Variants in HECW1 observed in about 807,000 individuals in gnomAD.
HECW1 encodes the protein HECT, C2 and WW domain containing E3 ubiquitin protein ligase 1.
In HECW1, 61 loss-of-function variants were observed where a neutral mutation model predicts 182.3. The ratio of observed to expected loss-of-function variants is 0.33; its 90% CI spans 0.27 to 0.41. The LOEUF is 0.41. Among genes scored for constraint, HECW1 ranks in the 10% least tolerant of loss-of-function variants. HECW1 has a pLI of 1.00. For missense variants in HECW1, 1,739 were observed against 2,108.9 expected, an observed-to-expected ratio of 0.82 and a Z score of 3.44; for synonymous variants, 859 against 832.6, an observed-to-expected ratio of 1.03 and a Z score of -0.55.
intron 2 of HECW1, among the ~76,000 whole-genome samples, chr7:43,168,045 C>T (rs932500519): frequency 6.6e-6 from 1 of 152,160 alleles, no homozygotes; most frequent in Non-Finnish European, 1.5e-5. Context: ...CCCCATAGCC[C>T]GTGGTGTACG....
chr7:43,153,357 T>C (rs1789548313), intron 2 of HECW1, among the ~76,000 whole-genome samples: 1 of 152,230 alleles, frequency 6.6e-6, no homozygotes, highest in South Asian at 2.1e-4. Flanking sequence ...TGTCGATGTA[T>C]ATCCGTGAAC....
At chr7:43,514,150 G>A (rs1225643725) in intron 24 of HECW1, among the ~76,000 whole-genome samples, 3 of 152,120 alleles carry the variant, frequency 2.0e-5, no homozygotes, top group African/African-American at 7.2e-5. Flanking sequence ...GGAGAGCAGG[G>A]AATGGAAAAT....
intron 2 of HECW1, among the ~76,000 whole-genome samples, chr7:43,198,207 C>A (rs1228998078): frequency 2.0e-5 from 3 of 149,952 alleles, no homozygotes; most frequent in African/African-American, 7.4e-5. Flanking sequence ...TTCACACGCT[C>A]ACCCTATACA....
intron 2 of HECW1, among the ~76,000 whole-genome samples, chr7:43,169,443 A>T (rs768891207): frequency 5.3e-5 from 8 of 152,136 alleles, no homozygotes; most frequent in Non-Finnish European, 1.2e-4. Context: ...ATGTCTCCAG[A>T]CATTGACGGA....
intron 8 of HECW1, among the ~76,000 whole-genome samples, chr7:43,427,288 G>A (rs1584872167): frequency 6.6e-6 from 1 of 152,128 alleles, no homozygotes; most frequent in Non-Finnish European, 1.5e-5. Context: ...GTCAAATATG[G>A]AAGCACTGCA....
In HECW1 at chr7:43,405,736, C is replaced by T. The variant is rs377044949; in HGVS notation, c.632-1826C>T. On this transcript the variant is annotated intron_variant, in intron 7 of 29. Coordinates refer to ENST00000395891, the MANE Select transcript of HECW1 (RefSeq NM_015052.5). ...TTAGGCACAGTGAGCCACTCGTACCCGTTCTGGGAAGGTAGGAGCCCTCCT... is the reference window on the plus strand; with the variant it reads ...TTAGGCACAGTGAGCCACTCGTACCTGTTCTGGGAAGGTAGGAGCCCTCCT... Among the ~76,000 whole-genome samples the T allele has an allele frequency of 1.2e-4, 18 of 152,296 alleles. No individual in the cohort carries two copies. The South Asian group carries it at 2.9e-3, about 25-fold the overall frequency.
chr7:43,269,098 A>C (rs1562761734), intron 3 of HECW1, among the ~76,000 whole-genome samples: 1 of 152,146 alleles, frequency 6.6e-6, no homozygotes, highest in Non-Finnish European at 1.5e-5. Flanking sequence ...CCACTGAAAT[A>C]TTTAATAAAG....
At chr7:43,166,420 A>G (rs574803989) in intron 2 of HECW1, among the ~76,000 whole-genome samples, 4 of 152,220 alleles carry the variant, frequency 2.6e-5, no homozygotes, top group African/African-American at 9.6e-5. Flanking sequence ...GGTGAGTGAT[A>G]AGCTAGATGC....
chr7:43,462,300 A>G (rs905973578), intron 13 of HECW1, among the ~76,000 whole-genome samples: 2 of 151,746 alleles, frequency 1.3e-5, no homozygotes, highest in African/African-American at 4.8e-5. Flanking sequence ...GCTGCTCTCC[A>G]CAGCTCCCAG....
intron 16 of HECW1, among the ~76,000 whole-genome samples, chr7:43,476,449 T>C (rs2078222497): frequency 6.6e-6 from 1 of 152,182 alleles, no homozygotes; most frequent in Non-Finnish European, 1.5e-5. Context: ...TCATTTGCAG[T>C]CTCAAAGTGA....
chr7:43,220,075 G>A (rs1796816416), intron 2 of HECW1, among the ~76,000 whole-genome samples: 1 of 152,164 alleles, frequency 6.6e-6, no homozygotes, highest in Non-Finnish European at 1.5e-5. Context: ...ATGGGCCCCA[G>A]GCCACCTACA....
intron 9 of HECW1, 76 bp from the exon 10 acceptor site, chr7:43,442,453 G>A (rs1284732911): frequency 9.7e-6 from 10 of 1,030,644 alleles, no homozygotes; most frequent in African/African-American, 1.6e-5. Flanking sequence ...TCACCCACTG[G>A]TATAGAAAGC....
intron 3 of HECW1, among the ~76,000 whole-genome samples, chr7:43,259,672 G>A (rs1049059967): frequency 2.0e-5 from 3 of 152,146 alleles, no homozygotes; most frequent in South Asian, 4.1e-4. Context: ...ATAAACATCT[G>A]ATGTAAATAA....
At chr7:43,451,024 C>A in intron 12 of HECW1, 95 bp downstream of exon 12, 1 of 836,530 alleles carries the variant, frequency 1.2e-6, no homozygotes, top group South Asian at 1.4e-5. Context: ...AAGTCTTTCC[C>A]GACTCCGTGC....
At chr7:43,299,805 C>G (rs1330945118) in intron 3 of HECW1, among the ~76,000 whole-genome samples, 1 of 152,218 alleles carries the variant, frequency 6.6e-6, no homozygotes, top group Non-Finnish European at 1.5e-5. Context: ...TCTTAGTGAT[C>G]ATTTCTCCTT....
At chr7:43,479,532 G>T in intron 16 of HECW1, 78 bp from the exon 17 acceptor site, 1 of 1,549,342 alleles carries the variant, frequency 6.5e-7, no homozygotes, top group Non-Finnish European at 8.9e-7. Flanking sequence ...GGGCCCTGTA[G>T]CACTCCTGTA....
chr7:43,374,677 G>C (rs2074251710), intron 6 of HECW1, among the ~76,000 whole-genome samples: 1 of 90,916 alleles, frequency 1.1e-5, no homozygotes, highest in Admixed American at 1.0e-4. Flanking sequence ...GGGAAGCTGA[G>C]GCAGGAGAAT....
intron 16 of HECW1, among the ~76,000 whole-genome samples, chr7:43,471,422 A>G (rs2078019581): frequency 6.6e-6 from 1 of 152,174 alleles, no homozygotes; most frequent in African/African-American, 2.4e-5. Context: ...TGCTTTATCT[A>G]CACATTCAAA....
At chr7:43,179,996 G>C (rs913587782) in intron 2 of HECW1, among the ~76,000 whole-genome samples, 1 of 152,206 alleles carries the variant, frequency 6.6e-6, no homozygotes, top group East Asian at 1.9e-4. Flanking sequence ...GACATCTCCA[G>C]CAACCTTAGA....
Sources: allele counts gnomAD v4.1 joint callset (sites outside exome capture counted in the v4.1 genomes callset), GRCh38; gene constraint gnomAD v4.1.1; transcripts MANE v1.5; gene names NCBI Gene and HGNC (gene_info 2026-07-23, HGNC 2026-07-21).